Variants in RSPO2 observed in about 807,000 individuals in gnomAD.
RSPO2 encodes the protein R-spondin-2.
RSPO2 carries 14 observed loss-of-function variants against 30.9 expected under a neutral mutation model. The ratio of observed to expected loss-of-function variants is 0.45; its 90% CI spans 0.30 to 0.71. The LOEUF is 0.71. Among genes scored for constraint, RSPO2 ranks in the 30% least tolerant of loss-of-function variants. The pLI is 0.08. For missense variants in RSPO2, 264 were observed against 301.9 expected (o/e 0.87, Z 0.93); for synonymous variants, 107 against 96.4 (o/e 1.11, Z -0.64).
chr8:107,954,641 C>T (rs548953), intron 5 of RSPO2, among the ~76,000 whole-genome samples: 98,623 of 151,570 alleles, frequency 0.65, 32,007 homozygotes, highest in East Asian at 0.7. Flanking sequence ...AGACGGAGTC[C>T]TGCTCTGTCA....
At chr8:108,070,240 C>T (rs186153180) in intron 2 of RSPO2, among the ~76,000 whole-genome samples, 111 of 148,710 alleles carry the variant, frequency 7.5e-4, no homozygotes, top group Middle Eastern at 3.5e-3. Context: ...GGGAGGATCG[C>T]TTGAGCCCAG....
At chr8:108,067,755 G>A (rs1812717643) in intron 2 of RSPO2, among the ~76,000 whole-genome samples, 1 of 152,166 alleles carries the variant, frequency 6.6e-6, no homozygotes, top group Non-Finnish European at 1.5e-5. Flanking sequence ...GCTCCATAAA[G>A]AGCACTAGCA....
intron 3 of RSPO2, chr8:107,983,445 G>A: frequency 6.3e-7 from 1 of 1,599,220 alleles, no homozygotes; most frequent in Non-Finnish European, 8.6e-7. Flanking sequence ...AGGATGCAGA[G>A]GGCCAGAGTC....
At chr8:107,990,095 A>C (rs1010204022) in intron 2 of RSPO2, among the ~76,000 whole-genome samples, 1 of 152,214 alleles carries the variant, frequency 6.6e-6, no homozygotes, top group South Asian at 2.1e-4. Context: ...ATCACATGGG[A>C]AAAAGCAAGA....
Position 107,967,435 on chromosome 8 carries a change from A to G in RSPO2, c.284-6618T>C, listed in dbSNP as rs1212510335. 2.0e-5 allele frequency among the ~76,000 whole-genome samples: 3 copies of G among 152,208 alleles called. No homozygotes were observed. In the East Asian group the frequency reaches 5.8e-4, roughly 29 times the overall value. On this transcript the variant is annotated intron_variant, in intron 3 of 5. Coordinates refer to ENST00000276659, the MANE Select transcript of RSPO2 (RefSeq NM_178565.5). ...TTACAGTAATTCCACTAGACTATGT[A>G]TTGATAAAAATTATTATACCTAAAA...
chr8:107,912,285 T>C (rs1264461834), intron 5 of RSPO2, among the ~76,000 whole-genome samples: 1 of 152,158 alleles, frequency 6.6e-6, no homozygotes. Flanking sequence ...TTTTGTAAGC[T>C]TCATAGATGA....
At chr8:108,056,184 G>A (rs1454905855) in intron 2 of RSPO2, among the ~76,000 whole-genome samples, 2 of 152,000 alleles carry the variant, frequency 1.3e-5, no homozygotes, top group African/African-American at 4.8e-5. Context: ...TTGTATTATT[G>A]GACATTTATA....
chr8:107,979,221 C>G (rs1167612976), intron 3 of RSPO2, among the ~76,000 whole-genome samples: 1 of 152,192 alleles, frequency 6.6e-6, no homozygotes, highest in Non-Finnish European at 1.5e-5. Flanking sequence ...GCTATAAAGA[C>G]ACGTGCACAC....
intron 3 of RSPO2, among the ~76,000 whole-genome samples, chr8:107,988,485 T>C (rs1357722421): frequency 6.6e-6 from 1 of 151,916 alleles, no homozygotes; most frequent in Non-Finnish European, 1.5e-5. Context: ...TCAAACAAGA[T>C]TGTACTTGAG....
At position 107,981,523 on chromosome 8, in the gene RSPO2, AAAAG is replaced by A. The variant is rs71308763; in HGVS notation, c.283+7529_283+7532del. ...GAGACAAAGTGAGGCTGTCTCAGAA[AAAAG>A]AAAGAAAGAAAGACAAGAAAACAGG... On this transcript the variant is annotated intron_variant, in intron 3 of 5. Transcript: ENST00000276659. Among the ~76,000 whole-genome samples, 1,270 of 151,508 alleles carry A rather than the reference AAAAG, an allele frequency of 8.4e-3. 13 individuals carry two copies. The highest frequency in any genetic ancestry group is 0.036 in the South Asian group (174 of 4,798).
At chr8:108,070,357 A>G (rs1420130606) in intron 2 of RSPO2, among the ~76,000 whole-genome samples, 1 of 144,672 alleles carries the variant, frequency 6.9e-6, no homozygotes, top group Non-Finnish European at 1.5e-5. Context: ...CAGTGGTGCA[A>G]TCTCGGCTCA....
At chr8:107,982,387 A>T (rs1433884828) in intron 3 of RSPO2, among the ~76,000 whole-genome samples, 1 of 152,170 alleles carries the variant, frequency 6.6e-6, no homozygotes, top group Non-Finnish European at 1.5e-5. Context: ...TACTTCATAA[A>T]TTGCTGAATA....
intron 3 of RSPO2, among the ~76,000 whole-genome samples, chr8:107,975,689 G>A (rs546243542): frequency 1.3e-5 from 2 of 152,292 alleles, no homozygotes; most frequent in African/African-American, 4.8e-5. Flanking sequence ...AGATGCCAAG[G>A]CCTTGACTGG....
chr8:107,977,833 A>G (rs1231061915), intron 3 of RSPO2, among the ~76,000 whole-genome samples: 1 of 152,060 alleles, frequency 6.6e-6, no homozygotes, highest in Non-Finnish European at 1.5e-5. Flanking sequence ...TTTAAGCATA[A>G]TAAATATTCC....
At position 107,925,743 on chromosome 8, in the gene RSPO2, CT is replaced by C. The variant is rs559354361; in HGVS notation, c.617-24554del. On this transcript the variant is annotated intron_variant, in intron 5 of 5. Coordinates refer to ENST00000276659, the MANE Select transcript of RSPO2 (RefSeq NM_178565.5). ...TGCAAAGGACATGAACTCATCCTTT[CT>C]TATGGCTGCATAGTATTCCATGGTG... Among the ~76,000 whole-genome samples the C allele has an allele frequency of 2.7e-3, 414 of 151,954 alleles. 3 individuals are homozygous for C. The highest frequency in any genetic ancestry group is 0.017 in the Middle Eastern group (5 of 294).
chr8:107,907,467 T>C (rs1811685339), intron 5 of RSPO2, among the ~76,000 whole-genome samples: 1 of 152,100 alleles, frequency 6.6e-6, no homozygotes, highest in Admixed American at 6.6e-5. Flanking sequence ...ACAAGCCACC[T>C]GCTGAGAGTT....
intron 2 of RSPO2, among the ~76,000 whole-genome samples, chr8:108,024,421 C>T (rs1319893626): frequency 1.3e-5 from 2 of 150,338 alleles, no homozygotes; most frequent in East Asian, 3.9e-4. Context: ...TTATTTCCAA[C>T]ATATACTGTT....
At chr8:107,919,889 T>C (rs1586542441) in intron 5 of RSPO2, among the ~76,000 whole-genome samples, 2 of 152,162 alleles carry the variant, frequency 1.3e-5, no homozygotes, top group Admixed American at 6.6e-5. Context: ...ATTGCTATAG[T>C]AAAAGTTTAT....
intron 2 of RSPO2, among the ~76,000 whole-genome samples, chr8:107,999,654 C>T (rs142889136): frequency 1.5e-3 from 230 of 152,176 alleles, no homozygotes; most frequent in Middle Eastern, 0.01. Flanking sequence ...AGGCTGGTCT[C>T]GAACTTCTGG....
Sources: allele counts gnomAD v4.1 joint callset (sites outside exome capture counted in the v4.1 genomes callset), GRCh38; gene constraint gnomAD v4.1.1; transcripts MANE v1.5; gene names NCBI Gene and HGNC (gene_info 2026-07-23, HGNC 2026-07-21).